Variants in CDK6 observed in about 807,000 individuals in gnomAD.
The protein encoded by CDK6 is cyclin dependent kinase 6, also known as cyclin-dependent kinase 6.
CDK6 carries 6 observed loss-of-function variants against 37.1 expected under a neutral mutation model. The ratio of observed to expected loss-of-function variants is 0.16; its 90% CI spans 0.09 to 0.32. The LOEUF (loss-of-function observed/expected upper bound fraction) is 0.32. CDK6 is among the 10% of genes least tolerant of loss of function. CDK6 has a pLI of 1.00. For missense variants in CDK6, 224 were observed against 418.9 expected, an observed-to-expected ratio of 0.53 and a Z score of 4.06; for synonymous variants, 160 against 161.3, an observed-to-expected ratio of 0.99 and a Z score of 0.06.
chr7:92,727,187 G>A (rs1798532935), intron 3 of CDK6, among the ~76,000 whole-genome samples: 1 of 152,118 alleles, frequency 6.6e-6, no homozygotes, highest in African/African-American at 2.4e-5. Context: ...TTATAAGAAT[G>A]GTGTATACAA....
intron 5 of CDK6, among the ~76,000 whole-genome samples, chr7:92,633,609 G>T (rs1796103579): frequency 6.7e-6 from 1 of 149,470 alleles, no homozygotes; most frequent in Admixed American, 6.7e-5. Context: ...AATAAAGCTG[G>T]TTAACAAAGC....
chr7:92,736,296 T>C (rs368738576), intron 3 of CDK6, among the ~76,000 whole-genome samples: 1 of 152,266 alleles, frequency 6.6e-6, no homozygotes, highest in East Asian at 1.9e-4. Flanking sequence ...TACCACTTAT[T>C]CAAAAGAACT....
At chr7:92,736,072 T>A (rs989440566) in intron 3 of CDK6, among the ~76,000 whole-genome samples, 6 of 152,182 alleles carry the variant, frequency 3.9e-5, no homozygotes, top group African/African-American at 9.6e-5. Context: ...GCAAGTTAGA[T>A]AATCTAAGAC....
chr7:92,688,560 G>C (rs1355820917), intron 4 of CDK6, among the ~76,000 whole-genome samples: 1 of 141,702 alleles, frequency 7.1e-6, no homozygotes, highest in Non-Finnish European at 1.5e-5. Flanking sequence ...CTCCTCTTGA[G>C]GTGTATAGAC....
chr7:92,737,457 T>C (rs925673554), intron 3 of CDK6, among the ~76,000 whole-genome samples: 21 of 152,346 alleles, frequency 1.4e-4, no homozygotes, highest in African/African-American at 5.1e-4. Flanking sequence ...AAAATGGTTT[T>C]AAGTTGCTTT....
intron 5 of CDK6, among the ~76,000 whole-genome samples, chr7:92,638,427 G>T (rs1796225233): frequency 6.6e-6 from 1 of 152,052 alleles, no homozygotes; most frequent in African/African-American, 2.4e-5. Flanking sequence ...GAACTTTTTT[G>T]GTACCTTTAC....
intron 3 of CDK6, among the ~76,000 whole-genome samples, chr7:92,750,980 C>T (rs1297601345): frequency 1.3e-5 from 2 of 152,064 alleles, no homozygotes; most frequent in Non-Finnish European, 2.9e-5. Context: ...CCTGTACAGA[C>T]GTCATATTTG....
chr7:92,827,212 G>C (rs750480874), intron 2 of CDK6, among the ~76,000 whole-genome samples: 4 of 152,056 alleles, frequency 2.6e-5, no homozygotes, highest in Non-Finnish European at 4.4e-5. Context: ...TTAAATCTAA[G>C]ACTTCTTCCA....
intron 4 of CDK6, among the ~76,000 whole-genome samples, chr7:92,708,844 T>A (rs901530610): frequency 3.9e-5 from 6 of 152,198 alleles, no homozygotes; most frequent in African/African-American, 1.2e-4. Flanking sequence ...CAGGAGAAAT[T>A]ACTATACATA....
At chr7:92,817,010 A>G (rs981647140) in intron 2 of CDK6, among the ~76,000 whole-genome samples, 2 of 152,020 alleles carry the variant, frequency 1.3e-5, no homozygotes, top group Non-Finnish European at 1.5e-5. Flanking sequence ...GATCTAACCT[A>G]TAAGGTCTCA....
intron 2 of CDK6, among the ~76,000 whole-genome samples, chr7:92,831,812 G>A (rs1584130955): frequency 6.6e-6 from 1 of 152,304 alleles, no homozygotes; most frequent in Non-Finnish European, 1.5e-5. Flanking sequence ...CCTGGGATAA[G>A]AGGAGACAAG....
chr7:92,776,211 C>T (rs915140356), intron 2 of CDK6, among the ~76,000 whole-genome samples: 3 of 152,194 alleles, frequency 2.0e-5, no homozygotes, highest in African/African-American at 7.2e-5. Flanking sequence ...CTTCCAGCTT[C>T]ATCCATGTCC....
At chr7:92,703,170 C>G (rs749312323) in intron 4 of CDK6, among the ~76,000 whole-genome samples, 4 of 151,954 alleles carry the variant, frequency 2.6e-5, no homozygotes, top group African/African-American at 4.8e-5. Flanking sequence ...CCACCTGACA[C>G]GAGAACTGTG....
intron 3 of CDK6, among the ~76,000 whole-genome samples, chr7:92,751,277 C>A (rs993563751): frequency 2.0e-5 from 3 of 151,994 alleles, no homozygotes; most frequent in African/African-American, 7.3e-5. Flanking sequence ...GATGAATCTC[C>A]TACTTTGGAT....
chr7:92,616,337 G>T lies in CDK6; in HGVS notation c.835-1051C>A, dbSNP rs3731381. Among the ~76,000 whole-genome samples, 139 of 152,232 alleles carry T rather than the reference G, an allele frequency of 9.1e-4. 1 individual carries two copies. The South Asian group carries it at 0.015, about 16-fold the overall frequency. ...GGACCTCTCTAATATTCTATCGAAG[G>T]CTACTGACCTAGAAAAACAAATACA... On this transcript the variant is annotated intron_variant, in intron 7 of 7. Coordinates refer to ENST00000424848, the MANE Select transcript of CDK6 (RefSeq NM_001145306.2).
chr7:92,782,194 A>C (rs1445909597), intron 2 of CDK6, among the ~76,000 whole-genome samples: 3 of 152,228 alleles, frequency 2.0e-5, no homozygotes, highest in African/African-American at 7.2e-5. Context: ...AAGAAGACTT[A>C]CAAGTAAAAA....
At chr7:92,682,989 C>A (rs1343956453) in intron 4 of CDK6, among the ~76,000 whole-genome samples, 2 of 152,170 alleles carry the variant, frequency 1.3e-5, no homozygotes, top group African/African-American at 4.8e-5. Flanking sequence ...TTTAAAGTAA[C>A]AAACTCATTC....
intron 3 of CDK6, among the ~76,000 whole-genome samples, chr7:92,747,135 A>G (rs991959987): frequency 2.6e-5 from 4 of 152,100 alleles, no homozygotes; most frequent in African/African-American, 9.7e-5. Context: ...TAAACTATAT[A>G]ATCACCTTCC....
intron 4 of CDK6, among the ~76,000 whole-genome samples, chr7:92,677,473 G>A (rs1797231570): frequency 6.6e-6 from 1 of 152,056 alleles, no homozygotes; most frequent in Admixed American, 6.6e-5. Context: ...AAAAAAATTA[G>A]CCAGGTGTGG....
Sources: gnomAD v4.1 joint callset for allele counts (sites outside exome capture counted in the v4.1 genomes callset) on GRCh38, gnomAD v4.1.1 for gene constraint, MANE v1.5 for transcripts, NCBI Gene and HGNC (gene_info 2026-07-23, HGNC 2026-07-21) for gene names.